The following RMDN2 variants were observed in gnomAD, a reference collection of about 807,000 sequenced individuals.
The protein encoded by RMDN2 is regulator of microtubule dynamics 2, also known as regulator of microtubule dynamics protein 2.
In RMDN2, 61 loss-of-function variants were observed where a neutral mutation model predicts 52.8. The ratio of observed to expected loss-of-function variants is 1.16; its 90% CI spans 0.94 to 1.43. RMDN2 has a LOEUF of 1.43. RMDN2 is among the 40% of genes most tolerant of loss of function. The pLI is 0.00. For synonymous variants in RMDN2, 180 were observed against 153.1 expected (o/e 1.18, Z -1.30); for missense variants, 592 against 475.3 (o/e 1.25, Z -2.28).
chr2:38,045,741 C>G (rs1055784926), intron 10 of RMDN2, among the ~76,000 whole-genome samples: 3 of 152,170 alleles, frequency 2.0e-5, no homozygotes, highest in Non-Finnish European at 2.9e-5. Flanking sequence ...CAGCTCTCCC[C>G]GCCCTTCTCC....
chr2:38,004,792 C>G (rs1676832926), intron 10 of RMDN2, among the ~76,000 whole-genome samples: 2 of 152,008 alleles, frequency 1.3e-5, no homozygotes, highest in African/African-American at 4.8e-5. Flanking sequence ...GTGCTGCACC[C>G]ATTAACTCGT....
At chr2:38,004,695 CT>C (rs562275983) in intron 10 of RMDN2, among the ~76,000 whole-genome samples, 5,138 of 146,412 alleles carry the variant, frequency 0.035, 295 homozygotes, top group African/African-American at 0.12. Context: ...AGTTTTCTTT[CT>C]TTTTTTTTTT....
intron 4 of RMDN2, among the ~76,000 whole-genome samples, chr2:37,975,906 T>C (rs1672401840): frequency 6.6e-6 from 1 of 152,166 alleles, no homozygotes; most frequent in Non-Finnish European, 1.5e-5. Context: ...AAAACTTAAA[T>C]TTCATCTTTT....
chr2:37,952,131 GAAGATGAAGACTTTGCTGTCTTGTTTC>G (rs1466421925), intron 2 of RMDN2: 1 of 1,612,990 alleles, frequency 6.2e-7, no homozygotes, highest in Non-Finnish European at 8.5e-7. Flanking sequence ...AGGCCTGTTT[GAAGATGAAGACTTTGCTGTCTTGTTTC>G]AAGATGAAGA....
intron 10 of RMDN2, chr2:38,036,055 T>C (rs920704317): frequency 6.6e-6 from 1 of 151,556 alleles, no homozygotes; most frequent in Non-Finnish European, 1.5e-5. Context: ...AGGAACTAAA[T>C]AGCCTCGCTG....
At chr2:38,019,097 C>T (rs1217181512), downstream of RMDN2, among the ~76,000 whole-genome samples, 1 of 152,146 alleles carries the variant, frequency 6.6e-6, no homozygotes, top group Non-Finnish European at 1.5e-5. Flanking sequence ...CAGGTTCTCT[C>T]GTGGATATGC....
At chr2:37,986,345 G>A (rs1674016469) in intron 5 of RMDN2, among the ~76,000 whole-genome samples, 1 of 152,140 alleles carries the variant, frequency 6.6e-6, no homozygotes, top group Non-Finnish European at 1.5e-5. Context: ...ATCAGGACCA[G>A]ACGGGGTCAT....
At chr2:37,973,121 T>C (rs1046574474) in intron 2 of RMDN2, among the ~76,000 whole-genome samples, 5 of 152,188 alleles carry the variant, frequency 3.3e-5, no homozygotes, top group African/African-American at 7.2e-5. Context: ...TTCATTCACA[T>C]TTGGCCTTTG....
intron 10 of RMDN2, among the ~76,000 whole-genome samples, chr2:38,049,915 C>T (rs1189310678): frequency 6.6e-6 from 1 of 152,168 alleles, no homozygotes; most frequent in Admixed American, 6.5e-5. Context: ...GTGCCTAATA[C>T]TGTCAGTAAT....
chr2:38,009,021 G>T (rs1037335543), intron 10 of RMDN2, among the ~76,000 whole-genome samples: 5 of 152,090 alleles, frequency 3.3e-5, no homozygotes, highest in African/African-American at 7.2e-5. Flanking sequence ...TTAAGAATGT[G>T]GAATATTGGC....
At chr2:37,940,555 A>T (rs984163385) in intron 2 of RMDN2, among the ~76,000 whole-genome samples, 1 of 152,140 alleles carries the variant, frequency 6.6e-6, no homozygotes, top group African/African-American at 2.4e-5. Flanking sequence ...AGATAGTCCC[A>T]TGTTTCCTGG....
intron 2 of RMDN2, among the ~76,000 whole-genome samples, chr2:37,965,481 T>C (rs1488510249): frequency 6.6e-6 from 1 of 152,084 alleles, no homozygotes; most frequent in Non-Finnish European, 1.5e-5. Context: ...TAATTTTAAT[T>C]ACATACAAAA....
intron 10 of RMDN2, among the ~76,000 whole-genome samples, chr2:38,050,603 A>G (rs1160591224): frequency 6.6e-6 from 1 of 152,152 alleles, no homozygotes; most frequent in East Asian, 1.9e-4. Flanking sequence ...TCAGTTTCCA[A>G]TAGAGCTCCT....
intron 2 of RMDN2, among the ~76,000 whole-genome samples, chr2:37,948,632 C>T (rs893029212): frequency 4.6e-5 from 7 of 152,126 alleles, no homozygotes; most frequent in African/African-American, 1.4e-4. Context: ...AGGCAATTTG[C>T]AGACATTTAG....
chr2:37,974,823 G>A (rs985687296), intron 3 of RMDN2: 3 of 189,064 alleles, frequency 1.6e-5, no homozygotes, highest in Non-Finnish European at 3.2e-5. Flanking sequence ...TTGAGTATAT[G>A]CATTTTCAAT....
chr2:38,015,381 A>G (rs7603443), intron 10 of RMDN2, among the ~76,000 whole-genome samples: 3,866 of 152,222 alleles, frequency 0.025, 159 homozygotes, highest in African/African-American at 0.088. Flanking sequence ...CCTGGCCAAC[A>G]TGGTGAAACC....
rs1213364442 is a variant in RMDN2, at chr2:37,997,519, A to G, written c.1044+5A>G. ...GCTTTACACAATTTCCTTAAGGTACATTTTGTGTATCCATTATTTTAGTGT... is the reference window on the plus strand; with the variant it reads ...GCTTTACACAATTTCCTTAAGGTACGTTTTGTGTATCCATTATTTTAGTGT... On this transcript the variant is annotated splice_donor_5th_base_variant and intron_variant, in intron 8 of 10. Transcript: ENST00000354545. 2 of 1,561,910 alleles carry G rather than the reference A, an allele frequency of 1.3e-6. No individual in the cohort carries two copies. Among genetic ancestry groups the G allele is most frequent in the African/African-American group, 1.4e-5 (1 of 73,802 alleles).
At chr2:37,935,254 A>T (rs1346487375) in intron 2 of RMDN2, among the ~76,000 whole-genome samples, 1 of 152,236 alleles carries the variant, frequency 6.6e-6, no homozygotes. Flanking sequence ...GAGAATGATG[A>T]TGAAAGTAAG....
chr2:38,020,528 G>A (rs115116745), downstream of RMDN2, among the ~76,000 whole-genome samples: 1,064 of 152,334 alleles, frequency 7.0e-3, 8 homozygotes, highest in African/African-American at 0.024. Context: ...GGGTGAGAGG[G>A]AACTGGGGCT....
Sources: allele counts gnomAD v4.1 joint callset (sites outside exome capture counted in the v4.1 genomes callset), GRCh38; gene constraint gnomAD v4.1.1; transcripts MANE v1.5; gene names NCBI Gene and HGNC (gene_info 2026-07-23, HGNC 2026-07-21).